The following KIF6 variants were observed in gnomAD, a reference collection of about 807,000 sequenced individuals.
KIF6 encodes kinesin family member 6.
A neutral mutation model predicts 112.7 loss-of-function variants in KIF6; 106 were observed. That is an observed-to-expected ratio of 0.94 (90% CI 0.80 to 1.11). The LOEUF (loss-of-function observed/expected upper bound fraction) is 1.11. KIF6 is among the 50% of genes least tolerant of loss of function. The probability of loss-of-function intolerance (pLI) is 0.00; values close to 1 mark genes in which losing one functional copy is unlikely to be tolerated. For missense variants in KIF6, 929 were observed against 964.0 expected, an observed-to-expected ratio of 0.96 and a Z score of 0.48; for synonymous variants, 339 against 339.9, an observed-to-expected ratio of 1.00 and a Z score of 0.03.
intron 3 of KIF6, among the ~76,000 whole-genome samples, chr6:39,682,370 T>A (rs1787574890): frequency 1.3e-5 from 2 of 152,158 alleles, no homozygotes; most frequent in Non-Finnish European, 1.5e-5. Flanking sequence ...CTGTACTGAA[T>A]ACAGTAGGCA....
chr6:39,546,619 A>C (rs929287255), intron 10 of KIF6, among the ~76,000 whole-genome samples: 10 of 152,150 alleles, frequency 6.6e-5, no homozygotes, highest in Admixed American at 1.3e-4. Context: ...TGAGGTCAGG[A>C]GTTCAAGACC....
intron 10 of KIF6, among the ~76,000 whole-genome samples, chr6:39,555,438 T>G (rs1779644231): frequency 6.6e-6 from 1 of 152,198 alleles, no homozygotes; most frequent in Admixed American, 6.5e-5. Flanking sequence ...GGACCTCTTG[T>G]GTATGCTACC....
At chr6:39,557,669 T>A (rs1007011456) in intron 10 of KIF6, among the ~76,000 whole-genome samples, 5 of 151,626 alleles carry the variant, frequency 3.3e-5, no homozygotes, top group African/African-American at 1.2e-4. Flanking sequence ...TTTGTATATA[T>A]TTTTTTTGGA....
chr6:39,420,029 T>G (rs1225061429), intron 14 of KIF6, 26 bp from the exon 15 acceptor site: 1 of 1,551,040 alleles, frequency 6.4e-7, no homozygotes, highest in South Asian at 1.1e-5. Context: ...ATGAAAATTG[T>G]AGTTTTTCTG....
At chr6:39,674,008 T>TATATATATATATATAGTA (rs1786989477) in intron 3 of KIF6, among the ~76,000 whole-genome samples, 4 of 152,116 alleles carry the variant, frequency 2.6e-5, no homozygotes, top group African/African-American at 9.7e-5. Context: ...CTGGTACTAT[T>TATATATATATATATAGTA]CTTTTGGGGA....
At chr6:39,663,109 G>A (rs1227578273) in intron 3 of KIF6, among the ~76,000 whole-genome samples, 1 of 152,088 alleles carries the variant, frequency 6.6e-6, no homozygotes, top group Admixed American at 6.6e-5. Flanking sequence ...GCCCAAGCTA[G>A]TCTCAAACTC....
intron 6 of KIF6, among the ~76,000 whole-genome samples, chr6:39,596,665 G>T (rs529365285): frequency 1.1e-4 from 16 of 152,232 alleles, no homozygotes; most frequent in Middle Eastern, 6.8e-3. Context: ...GTAAACAAAA[G>T]CCACAGACAA....
chr6:39,336,789 CGTTT>C (rs1333734664), intron 22 of KIF6, among the ~76,000 whole-genome samples: 2 of 133,954 alleles, frequency 1.5e-5, no homozygotes, highest in African/African-American at 3.3e-5. Flanking sequence ...CCTACCCCAC[CGTTT>C]TCTTTCCTTT....
At chr6:39,470,818 T>C (rs1379149304) in intron 13 of KIF6, among the ~76,000 whole-genome samples, 1 of 146,644 alleles carries the variant, frequency 6.8e-6, no homozygotes, top group East Asian at 1.9e-4. Flanking sequence ...AAGGGAGTAA[T>C]AAGCACTCAC....
chr6:39,672,931 A>C (rs1400640209), intron 3 of KIF6, among the ~76,000 whole-genome samples: 1 of 152,220 alleles, frequency 6.6e-6, no homozygotes, highest in Non-Finnish European at 1.5e-5. Context: ...AAATTGGTTG[A>C]AAGAAACTAG....
rs538794074 is a variant in KIF6, at chr6:39,440,210, G to C, written c.1646-9049C>G. Among the ~76,000 whole-genome samples the C allele has an allele frequency of 9.4e-4, 143 of 152,154 alleles. 1 individual carries two copies. Among genetic ancestry groups the C allele is most frequent in the African/African-American group, 3.2e-3 (131 of 41,524 alleles). On this transcript the variant is annotated intron_variant, in intron 13 of 22. Coordinates refer to ENST00000287152, the MANE Select transcript of KIF6 (RefSeq NM_145027.6). Reference sequence around the variant, plus strand: ...AAAGCATGAGAAGGCTCAGAGCTGGGTGGGGAGCATGTGGTGCTAAGGCAG... The same window carrying C: ...AAAGCATGAGAAGGCTCAGAGCTGGCTGGGGAGCATGTGGTGCTAAGGCAG...
chr6:39,529,678 T>C lies in KIF6; in HGVS notation c.1645+10325A>G, dbSNP rs544829851. Among the ~76,000 whole-genome samples, 9 of 152,160 alleles carry C rather than the reference T, an allele frequency of 5.9e-5. No individual in the cohort carries two copies. The South Asian group carries it at 1.7e-3, about 28-fold the overall frequency. ...GGTGGGCGCCTGTAGTCCCAGCTAC[T>C]TGGGAGGGTGAGGCAGGAGAATGGC... On this transcript the variant is annotated intron_variant, in intron 13 of 22. Transcript: ENST00000287152.
chr6:39,558,873 C>G (rs1452012509), intron 10 of KIF6, among the ~76,000 whole-genome samples: 2 of 152,084 alleles, frequency 1.3e-5, no homozygotes, highest in African/African-American at 4.8e-5. Context: ...CTTTAGGAGA[C>G]TAAAATAATC....
At chr6:39,589,108 G>T (rs1582210555) in intron 7 of KIF6, among the ~76,000 whole-genome samples, 1 of 152,232 alleles carries the variant, frequency 6.6e-6, no homozygotes, top group East Asian at 1.9e-4. Context: ...TCTGACTGTT[G>T]ATTCAGCCTG....
intron 19 of KIF6, among the ~76,000 whole-genome samples, chr6:39,352,270 T>C (rs1374493785): frequency 6.6e-6 from 1 of 152,256 alleles, no homozygotes; most frequent in Non-Finnish European, 1.5e-5. Context: ...TGAATATAGA[T>C]ACATTATTAT....
At chr6:39,455,573 A>G (rs903231524) in intron 13 of KIF6, among the ~76,000 whole-genome samples, 3 of 151,856 alleles carry the variant, frequency 2.0e-5, no homozygotes, top group African/African-American at 7.3e-5. Context: ...AATTACTCTG[A>G]GCTACGGGAG....
intron 15 of KIF6, among the ~76,000 whole-genome samples, chr6:39,402,277 T>A (rs918035187): frequency 1.3e-5 from 2 of 152,108 alleles, no homozygotes; most frequent in African/African-American, 4.8e-5. Flanking sequence ...GCCAGGGGCA[T>A]GAGGGACTCA....
At chr6:39,424,223 C>T (rs2150370636) in intron 14 of KIF6, among the ~76,000 whole-genome samples, 1 of 152,302 alleles carries the variant, frequency 6.6e-6, no homozygotes, top group African/African-American at 2.4e-5. Context: ...CTAATTTCTG[C>T]CTAACCCCTT....
chr6:39,674,538 T>C (rs1561918524), intron 3 of KIF6, among the ~76,000 whole-genome samples: 1 of 151,830 alleles, frequency 6.6e-6, no homozygotes, highest in Non-Finnish European at 1.5e-5. Flanking sequence ...CTGAACCAAA[T>C]TGAACTGAGC....
Sources: gnomAD v4.1 joint callset for allele counts (sites outside exome capture counted in the v4.1 genomes callset) on GRCh38, gnomAD v4.1.1 for gene constraint, MANE v1.5 for transcripts, NCBI Gene and HGNC (gene_info 2026-07-23, HGNC 2026-07-21) for gene names.